The following ABHD14B variants were observed in gnomAD, a reference collection of about 807,000 sequenced individuals.
ABHD14B encodes the protein putative protein-lysine deacylase ABHD14B.
Under a neutral mutation model 15.4 loss-of-function variants are expected in ABHD14B, and 19 were observed. That is an observed-to-expected ratio of 1.23 (90% CI 0.86 to 1.81). The LOEUF is 1.81. Ranked by LOEUF, ABHD14B falls within the 40% of genes most tolerant of loss-of-function variation. ABHD14B has a pLI of 0.00. For synonymous variants in ABHD14B, 92 were observed against 117.3 expected (o/e 0.78, Z 1.39); for missense variants, 243 against 267.0 (o/e 0.91, Z 0.63).
At chr3:51,973,173 T>C (rs1164615648) in intron 1 of ABHD14B, among the ~76,000 whole-genome samples, 2 of 150,978 alleles carry the variant, frequency 1.3e-5, no homozygotes, top group African/African-American at 2.4e-5. Context: ...GCCTCCCGGG[T>C]AGCTGGGACT....
intron 3 of ABHD14B, 159 bp downstream of exon 3, chr3:51,969,784 G>C (rs1448144711): frequency 2.8e-6 from 4 of 1,446,182 alleles, no homozygotes; most frequent in Non-Finnish European, 3.8e-6. Context: ...CACAGGGCTT[G>C]GCACAGTAGT....
At chr3:51,969,874 G>A in intron 3 of ABHD14B, 69 bp downstream of exon 3, 1 of 1,612,804 alleles carries the variant, frequency 6.2e-7, no homozygotes, top group Non-Finnish European at 8.5e-7. Context: ...GCCCCCAGAT[G>A]AGGAAAGCCC....
chr3:51,971,799 T>C, intron 1 of ABHD14B, 101 bp from the exon 2 acceptor site: 1 of 1,451,802 alleles, frequency 6.9e-7, no homozygotes, highest in Non-Finnish European at 9.1e-7. Context: ...TTTCCAGAAC[T>C]TTAAGAACAT....
In ABHD14B at chr3:51,969,626, G is replaced by C. The variant is rs929824310; in HGVS notation, c.454-21C>G. 5 of 1,599,990 alleles carry C rather than the reference G, an allele frequency of 3.1e-6. No homozygotes were observed. The Admixed American group carries it at 6.8e-5, about 22-fold the overall frequency. ...GGAGTCTGAGAGGAAGGATAGGGGG[G>C]TGGGGCAGAGTCAACAGGGACCTGC... On this transcript the variant is annotated intron_variant, in intron 3 of 3. Transcript: ENST00000361143.
chr3:51,969,677 TCA>T, intron 3 of ABHD14B, 72 bp from the exon 4 acceptor site: 1 of 1,538,428 alleles, frequency 6.5e-7, no homozygotes, highest in Admixed American at 1.8e-5. Context: ...CCTCCCCACT[TCA>T]GTCTCTTCCT....
chr3:51,971,399 C>G, intron 2 of ABHD14B, 61 bp downstream of exon 2: 1 of 1,456,722 alleles, frequency 6.9e-7, no homozygotes, highest in Middle Eastern at 2.3e-4. Context: ...GTTATAGGAA[C>G]CTGGCCCTGT....
At chr3:51,974,122 G>C (rs1179978685), upstream of ABHD14B, 2 of 1,127,108 alleles carry the variant, frequency 1.8e-6, no homozygotes, top group African/African-American at 1.6e-5. Context: ...CAAGCTCGCA[G>C]CGTCCATAGA....
Position 51,969,393 on chromosome 3 carries a change from C to A in ABHD14B, c.*33G>T, listed in dbSNP as rs1430877546. 6.3e-7 allele frequency: 1 copy of A among 1,576,752 alleles called. No individual in the cohort carries two copies. The highest frequency in any genetic ancestry group is 8.6e-7 in the Non-Finnish European group (1 of 1,161,228). Reference sequence around the variant, plus strand: ...CGTGCAAGAGAGAGCTCAGAGCAGGCAGGCAGCCCACCCCCTGCAGCAGTG... The same window carrying A: ...CGTGCAAGAGAGAGCTCAGAGCAGGAAGGCAGCCCACCCCCTGCAGCAGTG... On this transcript the variant is annotated 3_prime_UTR_variant, in exon 4 of 4. Coordinates refer to ENST00000361143, the MANE Select transcript of ABHD14B (RefSeq NM_001146314.2).
intron 1 of ABHD14B, chr3:51,973,631 G>A (rs903970658): frequency 2.8e-6 from 1 of 362,656 alleles, no homozygotes; most frequent in East Asian, 7.4e-5. Flanking sequence ...TGATCCTCCC[G>A]GCTCACCCCC....
chr3:51,974,084 C>A (rs778882234), upstream of ABHD14B: 1 of 1,276,798 alleles, frequency 7.8e-7, no homozygotes, highest in African/African-American at 1.5e-5. Flanking sequence ...GGGACTGGGC[C>A]GTGCTCCGGG....
In ABHD14B at chr3:51,974,011, G is replaced by T; in HGVS notation, c.-75C>A. 7.8e-7 allele frequency: 1 copy of T among 1,289,040 alleles called. No individual in the cohort carries two copies. Among genetic ancestry groups the T allele is most frequent in the Non-Finnish European group, 1.0e-6 (1 of 988,836 alleles). The allele number at this position is 1,289,040 out of a possible 1,614,324, so 79.9% of individuals were successfully genotyped here. Reference sequence around the variant, plus strand: ...CGCAGACGGGAAGCAGGCGCGTGCTGGCGGTGACCTGGGGCCGGAGGAGGA... The same window carrying T: ...CGCAGACGGGAAGCAGGCGCGTGCTTGCGGTGACCTGGGGCCGGAGGAGGA... On this transcript the variant is annotated 5_prime_UTR_variant, in exon 1 of 4. Transcript: ENST00000361143.
At chr3:51,972,559 GA>G (rs761460014) in intron 1 of ABHD14B, among the ~76,000 whole-genome samples, 1 of 152,184 alleles carries the variant, frequency 6.6e-6, no homozygotes, top group Non-Finnish European at 1.5e-5. Context: ...GGCAACAAGA[GA>G]AAAACTCCAT....
Position 51,969,975 on chromosome 3 carries a change from T to G in ABHD14B, c.421A>C (p.Lys141Gln). The change falls in exon 3 of 4, where the codon AAA (lysine) becomes CAA (glutamine). Residue 141 changes from lysine to glutamine, a missense_variant. By Grantham distance (53) the Lys-to-Gln change is moderately conservative. Coordinates refer to ENST00000361143, the MANE Select transcript of ABHD14B (RefSeq NM_001146314.2). ...FVPVAPICTD[K>Q]INAANYASVK... is the part of the protein sequence containing the mutation. ...CTGGCATAGTTGGCAGCATTGATTT[T>G]GTCAGTGCAGATGGGGGCCACTGGC... The G allele has an allele frequency of 6.2e-7, 1 of 1,614,220 alleles. No individual in the cohort carries two copies. The highest frequency in any genetic ancestry group is 8.5e-7 in the Non-Finnish European group (1 of 1,180,032).
rs760516380 is a variant in ABHD14B at position 51,971,562 on chromosome 3, G to A, written c.109C>T (p.Leu37=). 15 of 1,613,620 alleles carry A rather than the reference G, an allele frequency of 9.3e-6. No individual in the cohort carries two copies. The highest frequency in any genetic ancestry group is 1.7e-5 in the Admixed American group (1 of 60,004). The part of the protein sequence containing the change: ...GSGQARFSVL[L]LHGIRFSSET... ...GAGGAGAAGCGAATACCATGCAGCA[G>A]CAGTACAGAGAAGCGAGCCTGCCCA... Residue 37 remains leucine (L), a synonymous_variant, in exon 2 of 4, where the codon CTG becomes TTG. Coordinates refer to ENST00000361143, the MANE Select transcript of ABHD14B (RefSeq NM_001146314.2).
In ABHD14B at chr3:51,969,367, G is replaced by A; in HGVS notation, c.*59C>T. On this transcript the variant is annotated 3_prime_UTR_variant, in exon 4 of 4. Transcript: ENST00000361143. ...GCCAGAGCCTGGGAGAGAAGAGAGA[G>A]CGTGCAAGAGAGAGCTCAGAGCAGG... The A allele has an allele frequency of 1.3e-6, 2 of 1,521,906 alleles. No homozygotes were observed. Among genetic ancestry groups the A allele is most frequent in the Non-Finnish European group, 1.8e-6 (2 of 1,128,830 alleles). 94.3% of individuals were successfully genotyped at this position (1,521,906 alleles called of 1,614,324 possible).
chr3:51,969,669 TC>T, intron 3 of ABHD14B, 64 bp from the exon 4 acceptor site: 1 of 1,548,280 alleles, frequency 6.5e-7, no homozygotes, highest in Non-Finnish European at 8.8e-7. Flanking sequence ...TCCCCAGCCC[TC>T]CCCACTTCAG....
At chr3:51,969,847 C>T in intron 3 of ABHD14B, 96 bp downstream of exon 3, 2 of 1,604,058 alleles carry the variant, frequency 1.2e-6, no homozygotes, top group East Asian at 2.2e-5. Context: ...TCCCAGAAGA[C>T]ACCCCTTGAT....
intron 1 of ABHD14B, among the ~76,000 whole-genome samples, chr3:51,972,379 G>A (rs1700674745): frequency 6.6e-6 from 1 of 151,580 alleles, no homozygotes; most frequent in Admixed American, 6.6e-5. Context: ...AGATCTCCCT[G>A]ATGAACATGC....
rs541756619 is a variant in ABHD14B at position 51,971,486 on chromosome 3, T to C, written c.185A>G (p.Tyr62Cys). Residue 62 changes from tyrosine (Y) to cysteine (C), a missense_variant, in exon 2 of 4, where the codon TAC becomes TGC. Coordinates refer to ENST00000361143, the MANE Select transcript of ABHD14B (RefSeq NM_001146314.2). ...GTLHRLAQAG[Y>C]RAVAIDLPGL... The stretch of plus-strand genomic sequence containing the variant: ...TGGCAGGTCAATGGCCACAGCCCGG[T>C]AGCCAGCCTGGGCCAGCCTGTGCAG... 6.2e-7 allele frequency: 1 copy of C among 1,600,208 alleles called. No homozygotes were observed. Among genetic ancestry groups the C allele is most frequent in the African/African-American group, 1.3e-5 (1 of 74,440 alleles).
Sources: allele counts gnomAD v4.1 joint callset (sites outside exome capture counted in the v4.1 genomes callset), GRCh38; gene constraint gnomAD v4.1.1; transcripts MANE v1.5; gene names NCBI Gene and HGNC (gene_info 2026-07-23, HGNC 2026-07-21).